The following TMEM132C variants were observed in gnomAD, a reference collection of about 807,000 sequenced individuals.
The protein encoded by TMEM132C is transmembrane protein 132C, also known as protein phosphatase 1, regulatory subunit 152.
A neutral mutation model predicts 61.4 loss-of-function variants in TMEM132C; 29 were observed. The observed-to-expected ratio is 0.47, with a 90% CI of 0.35 to 0.64. TMEM132C has a LOEUF of 0.64. Among genes scored for constraint, TMEM132C ranks in the 30% least tolerant of loss-of-function variants. TMEM132C has a pLI of 0.00. For missense variants in TMEM132C, 1,408 were observed against 1,476.9 expected (o/e 0.95, Z 0.76); for synonymous variants, 656 against 633.1 (o/e 1.04, Z -0.54).
At chr12:128,382,040 CTTTT>C (rs113830900) in intron 1 of TMEM132C, among the ~76,000 whole-genome samples, 2 of 141,078 alleles carry the variant, frequency 1.4e-5, no homozygotes, top group Admixed American at 7.2e-5. Flanking sequence ...TTGTTATTCG[CTTTT>C]TTTTTTTTTT....
intron 2 of TMEM132C, among the ~76,000 whole-genome samples, chr12:128,507,384 CTTTTTTTTTTTTTCTTTCTTTT>C (rs981514499): frequency 2.7e-5 from 3 of 111,582 alleles, no homozygotes; most frequent in African/African-American, 9.8e-5. Flanking sequence ...GTGTTTTTTT[CTTTTTTTTTTTTTCTTTCTTTT>C]TTTTTTTTTT....
intron 1 of TMEM132C, among the ~76,000 whole-genome samples, chr12:128,325,779 C>T (rs556641736): frequency 1.3e-5 from 2 of 152,152 alleles, no homozygotes; most frequent in Non-Finnish European, 2.9e-5. Flanking sequence ...GCTGTTCCCC[C>T]ATTTGGTGAC....
intron 1 of TMEM132C, among the ~76,000 whole-genome samples, chr12:128,405,594 A>G (rs1875313284): frequency 6.6e-6 from 1 of 152,218 alleles, no homozygotes; most frequent in Non-Finnish European, 1.5e-5. Context: ...AAGAAATGGC[A>G]AACTATGGCT....
chr12:128,354,621 T>C (rs1317043298), intron 1 of TMEM132C, among the ~76,000 whole-genome samples: 3 of 152,004 alleles, frequency 2.0e-5, no homozygotes, highest in African/African-American at 7.2e-5. Context: ...CCACCAAGAA[T>C]AGAAGGAGGA....
chr12:128,364,936 C>T (rs1873816374), intron 1 of TMEM132C, among the ~76,000 whole-genome samples: 2 of 152,224 alleles, frequency 1.3e-5, no homozygotes, highest in South Asian at 2.1e-4. Flanking sequence ...CAGGTTTGGA[C>T]GTCAGTAGAG....
At position 128,415,721 on chromosome 12, in the gene TMEM132C, A is replaced by AAT; in HGVS notation, c.974+101_974+102insAT. On this transcript the variant is annotated intron_variant, in intron 2 of 8. Coordinates refer to ENST00000435159, the MANE Select transcript of TMEM132C (RefSeq NM_001136103.3). This position sits in a 1 kb window ranked among gnomAD's most constrained non-coding sequence, Gnocchi z 5.8. ...TATTCAGGAAGCATCGATTTTCACT[A>AAT]CCTTCAGGGACCGTTTGGCATTAAC... The AAT allele has an allele frequency of 7.5e-7, 1 of 1,328,520 alleles. No individual in the cohort carries two copies. 82.3% of individuals were successfully genotyped at this position (1,328,520 alleles called of 1,614,324 possible).
At chr12:128,686,800 A>AT (rs957345584) in intron 5 of TMEM132C, among the ~76,000 whole-genome samples, 4 of 152,192 alleles carry the variant, frequency 2.6e-5, no homozygotes, top group African/African-American at 9.6e-5. Context: ...GAGGACACAT[A>AT]AAGCGAGCAG....
At position 128,513,280 on chromosome 12, in the gene TMEM132C, G is replaced by A. The variant is rs773126313; in HGVS notation, c.975-30677G>A. Among the ~76,000 whole-genome samples, 44 of 152,128 alleles carry A rather than the reference G, an allele frequency of 2.9e-4. 1 individual carries two copies. The highest frequency in any genetic ancestry group is 5.4e-4 in the Non-Finnish European group (37 of 68,016). Reference sequence around the variant, plus strand: ...GTCCATGGCTGCGGGGTGTCAGTATGGAATAACCTCCTCTGCCTCCCCCTC... The same window carrying A: ...GTCCATGGCTGCGGGGTGTCAGTATAGAATAACCTCCTCTGCCTCCCCCTC... On this transcript the variant is annotated intron_variant, in intron 2 of 8. Coordinates refer to ENST00000435159, the MANE Select transcript of TMEM132C (RefSeq NM_001136103.3).
At chr12:128,454,392 T>G (rs938898531) in intron 2 of TMEM132C, among the ~76,000 whole-genome samples, 1 of 152,264 alleles carries the variant, frequency 6.6e-6, no homozygotes, top group African/African-American at 2.4e-5. Context: ...CTTTCTCACC[T>G]ATCCCTATAC....
chr12:128,482,817 A>G lies in TMEM132C; in HGVS notation c.975-61140A>G, dbSNP rs574572104. 1.4e-3 allele frequency among the ~76,000 whole-genome samples: 216 copies of G among 152,178 alleles called. 1 individual carries two copies. Among genetic ancestry groups the G allele is most frequent in the Non-Finnish European group, 2.4e-3 (165 of 68,016 alleles). Reference sequence around the variant, plus strand: ...CTGAGTCCCCTCTCTCCTCCCACCCATGAATCTCCCACAATGCTTATCTCC... The same window carrying G: ...CTGAGTCCCCTCTCTCCTCCCACCCGTGAATCTCCCACAATGCTTATCTCC... On this transcript the variant is annotated intron_variant, in intron 2 of 8. Coordinates refer to ENST00000435159, the MANE Select transcript of TMEM132C (RefSeq NM_001136103.3).
At chr12:128,512,365 CT>C (rs1872592931) in intron 2 of TMEM132C, among the ~76,000 whole-genome samples, 1 of 152,150 alleles carries the variant, frequency 6.6e-6, no homozygotes, top group African/African-American at 2.4e-5. Flanking sequence ...AAAGTAACCA[CT>C]CTGTATGTCC....
intron 5 of TMEM132C, among the ~76,000 whole-genome samples, chr12:128,683,915 A>G (rs896346882): frequency 6.6e-6 from 1 of 152,076 alleles, no homozygotes; most frequent in African/African-American, 2.4e-5. Flanking sequence ...GCAGTGAGCC[A>G]AGATTGCGCC....
At chr12:128,504,538 G>A (rs77882297) in intron 2 of TMEM132C, among the ~76,000 whole-genome samples, 5 of 152,192 alleles carry the variant, frequency 3.3e-5, no homozygotes, top group African/African-American at 7.2e-5. Flanking sequence ...CTGGAAGTCC[G>A]AGACTAAGGA....
chr12:128,425,880 C>G (rs151221949), intron 2 of TMEM132C, among the ~76,000 whole-genome samples: 91 of 152,342 alleles, frequency 6.0e-4, no homozygotes, highest in Middle Eastern at 6.8e-3. Flanking sequence ...CCAGAAGGCT[C>G]TCATTTGGAG....
At chr12:128,374,549 G>C (rs1874127895) in intron 1 of TMEM132C, among the ~76,000 whole-genome samples, 1 of 152,124 alleles carries the variant, frequency 6.6e-6, no homozygotes, top group African/African-American at 2.4e-5. Flanking sequence ...TTTGGCGCCT[G>C]ACAGCTACTG....
Position 128,326,798 on chromosome 12 carries a change from T to G in TMEM132C, c.85+59311T>G, listed in dbSNP as rs530950875. Among the ~76,000 whole-genome samples the G allele has an allele frequency of 6.7e-6, 1 of 149,430 alleles. No homozygotes were observed. Among genetic ancestry groups the G allele is most frequent in the Non-Finnish European group, 1.5e-5 (1 of 67,844 alleles). ...CATCTCGTTACCGACTTCACAATAT[T>G]TTTTTTTTCTTTCTTAACAACGTAG... On this transcript the variant is annotated intron_variant, in intron 1 of 8. Transcript: ENST00000435159. The surrounding 1 kb of genome is among the most constrained non-coding windows in gnomAD (Gnocchi z 5.6).
rs1224796559 is a variant in TMEM132C, at chr12:128,484,265, AG to A, written c.975-59691del. ...TTGAAAAGCAGTGACAGGTTTTATC[AG>A]ATCACAGAAATGGCCAAGGTTTTGA... On this transcript the variant is annotated intron_variant, in intron 2 of 8. Transcript: ENST00000435159. 2.0e-5 allele frequency among the ~76,000 whole-genome samples: 3 copies of A among 152,332 alleles called. No homozygotes were observed. The East Asian group carries it at 5.8e-4, about 29-fold the overall frequency.
At chr12:128,271,822 AG>A (rs1169452528) in intron 1 of TMEM132C, among the ~76,000 whole-genome samples, 2 of 152,258 alleles carry the variant, frequency 1.3e-5, no homozygotes, top group East Asian at 3.8e-4. Context: ...TTATATTAGT[AG>A]TTAACACCTC....
At chr12:128,280,927 A>G (rs1244916242) in intron 1 of TMEM132C, among the ~76,000 whole-genome samples, 1 of 152,214 alleles carries the variant, frequency 6.6e-6, no homozygotes, top group Non-Finnish European at 1.5e-5. Flanking sequence ...CATATGGGCT[A>G]GAAGTGGGAT....
Sources: allele counts gnomAD v4.1 joint callset (sites outside exome capture counted in the v4.1 genomes callset), GRCh38; gene constraint gnomAD v4.1.1; non-coding constraint Gnocchi (gnomAD v3.1); transcripts MANE v1.5; gene names NCBI Gene and HGNC (gene_info 2026-07-23, HGNC 2026-07-21).